TMTC2: variants seen among roughly 807,000 people sequenced by gnomAD.
TMTC2 encodes the protein transmembrane O-mannosyltransferase targeting cadherins 2, also known as protein O-mannosyl-transferase TMTC2.
In TMTC2, 43 loss-of-function variants were observed where a neutral mutation model predicts 82.4. The observed-to-expected ratio is 0.52, with a 90% CI of 0.41 to 0.67. The LOEUF (loss-of-function observed/expected upper bound fraction) is 0.67. TMTC2 is among the 30% of genes least tolerant of loss of function. TMTC2 has a pLI of 0.00. For missense variants in TMTC2, 919 were observed against 1,012.4 expected (o/e 0.91, Z 1.25); for synonymous variants, 408 against 381.9 (o/e 1.07, Z -0.80).
intron 11 of TMTC2, among the ~76,000 whole-genome samples, chr12:83,111,587 C>T (rs892594216): frequency 2.6e-5 from 4 of 151,916 alleles, no homozygotes; most frequent in Non-Finnish European, 4.4e-5. Context: ...CCCTTCCTTT[C>T]TTTTTTTTAT....
At chr12:83,106,001 A>G (rs1212257784) in intron 11 of TMTC2, among the ~76,000 whole-genome samples, 1 of 152,242 alleles carries the variant, frequency 6.6e-6, no homozygotes, top group Non-Finnish European at 1.5e-5. Context: ...TAAGAAATAC[A>G]TAATAGAATT....
chr12:82,933,849 A>G (rs1373576105), intron 4 of TMTC2, among the ~76,000 whole-genome samples: 2 of 152,206 alleles, frequency 1.3e-5, no homozygotes, highest in African/African-American at 4.8e-5. Context: ...CAATAGTATG[A>G]GTGATGTAGA....
At chr12:82,859,662 A>C (rs1871432928) in intron 2 of TMTC2, among the ~76,000 whole-genome samples, 1 of 152,204 alleles carries the variant, frequency 6.6e-6, no homozygotes, top group South Asian at 2.1e-4. Context: ...CAGCTGCTTC[A>C]AAAATAAGAA....
chr12:83,063,521 A>G (rs1882815242), intron 11 of TMTC2, among the ~76,000 whole-genome samples: 1 of 151,898 alleles, frequency 6.6e-6, no homozygotes, highest in East Asian at 1.9e-4. Flanking sequence ...ATTTCTCACA[A>G]CAACCCACAG....
At chr12:82,973,754 A>G (rs917098185) in intron 7 of TMTC2, among the ~76,000 whole-genome samples, 32 of 152,190 alleles carry the variant, frequency 2.1e-4, no homozygotes, top group Admixed American at 9.2e-4. Flanking sequence ...CAGAAGATAT[A>G]TAGCCCCTAC....
intron 9 of TMTC2, 97 bp downstream of exon 9, chr12:83,030,976 G>C: frequency 1.1e-6 from 1 of 886,286 alleles, no homozygotes; most frequent in African/African-American, 1.6e-5. Flanking sequence ...TTTAAGAGGA[G>C]ATGGACTTTG....
At chr12:82,764,898 A>G (rs928063890) in intron 1 of TMTC2, among the ~76,000 whole-genome samples, 1 of 150,340 alleles carries the variant, frequency 6.7e-6, no homozygotes, top group African/African-American at 2.5e-5. Flanking sequence ...AAATGCAGGG[A>G]ATCTGCATTT....
intron 4 of TMTC2, among the ~76,000 whole-genome samples, chr12:82,944,168 C>T (rs925446107): frequency 6.6e-6 from 1 of 152,008 alleles, no homozygotes; most frequent in Non-Finnish European, 1.5e-5. Flanking sequence ...ATTTTGGTGT[C>T]ATAATTATGT....
At chr12:83,114,750 A>G (rs915930809) in intron 11 of TMTC2, among the ~76,000 whole-genome samples, 2 of 152,112 alleles carry the variant, frequency 1.3e-5, no homozygotes, top group Non-Finnish European at 2.9e-5. Context: ...TTGTTGTGGC[A>G]TCTGTTGAGT....
At chr12:83,114,934 T>G in intron 11 of TMTC2, among the ~76,000 whole-genome samples, 1 of 152,018 alleles carries the variant, frequency 6.6e-6, no homozygotes, top group East Asian at 1.9e-4. Flanking sequence ...TCAGATCCAT[T>G]TGTGTAGCAA....
intron 1 of TMTC2, chr12:82,759,134 T>G (rs1191407878): frequency 6.6e-6 from 1 of 152,236 alleles, no homozygotes; most frequent in Non-Finnish European, 1.5e-5. Context: ...GGTGAATGAT[T>G]GCTATTACTG....
intron 11 of TMTC2, among the ~76,000 whole-genome samples, chr12:83,088,099 T>C (rs971068870): frequency 2.6e-5 from 4 of 152,360 alleles, no homozygotes; most frequent in Non-Finnish European, 4.4e-5. Context: ...GTACCAGCAC[T>C]AGTAGCCTCA....
intron 8 of TMTC2, among the ~76,000 whole-genome samples, chr12:83,007,076 C>T (rs1347662421): frequency 2.0e-5 from 3 of 151,690 alleles, no homozygotes; most frequent in Non-Finnish European, 4.4e-5. Context: ...CACATGTACC[C>T]TAGAACTTAA....
chr12:82,782,274 G>A (rs1174715388), intron 1 of TMTC2, among the ~76,000 whole-genome samples: 2 of 152,000 alleles, frequency 1.3e-5, no homozygotes, highest in African/African-American at 2.4e-5. Context: ...ATGGTCCCAG[G>A]TTAAGAAATA....
intron 11 of TMTC2, among the ~76,000 whole-genome samples, chr12:83,087,419 T>C (rs1297544292): frequency 1.3e-5 from 2 of 152,224 alleles, no homozygotes; most frequent in Non-Finnish European, 2.9e-5. Flanking sequence ...CCATGAATCA[T>C]GAATGTTGTG....
chr12:82,946,382 G>T (rs1400601332), intron 4 of TMTC2, among the ~76,000 whole-genome samples: 1 of 152,148 alleles, frequency 6.6e-6, no homozygotes, highest in Admixed American at 6.5e-5. Context: ...TGTGTGAAGG[G>T]TGTACATAGA....
intron 9 of TMTC2, among the ~76,000 whole-genome samples, chr12:83,045,896 A>G (rs1472479146): frequency 2.0e-5 from 3 of 152,110 alleles, no homozygotes; most frequent in Admixed American, 6.5e-5. Context: ...CACCTTCCTG[A>G]TAAGATCTCA....
intron 1 of TMTC2, among the ~76,000 whole-genome samples, chr12:82,793,221 C>G (rs1029822956): frequency 1.3e-5 from 2 of 152,050 alleles, no homozygotes; most frequent in African/African-American, 4.8e-5. Flanking sequence ...TTTTTTAGTA[C>G]CTTTTGGTTC....
chr12:83,093,560 T>C (rs1218042461), intron 11 of TMTC2, among the ~76,000 whole-genome samples: 2 of 152,166 alleles, frequency 1.3e-5, no homozygotes, highest in African/African-American at 4.8e-5. Context: ...TATTGTTGGG[T>C]TTGTTTCTGG....
Sources: allele counts gnomAD v4.1 joint callset (sites outside exome capture counted in the v4.1 genomes callset), GRCh38; gene constraint gnomAD v4.1.1; transcripts MANE v1.5; gene names NCBI Gene and HGNC (gene_info 2026-07-23, HGNC 2026-07-21).